The following HDAC8 variants were observed in gnomAD, a reference collection of about 807,000 sequenced individuals.
HDAC8 encodes histone deacetylase-like 1.
Under a neutral mutation model 32.2 loss-of-function variants are expected in HDAC8, and 1 was observed. The ratio of observed to expected loss-of-function variants is 0.03; its 90% CI spans 0.01 to 0.15. The LOEUF (loss-of-function observed/expected upper bound fraction) is 0.15, where lower values mean the gene tolerates loss of function less well. HDAC8 is among the 10% of genes least tolerant of loss of function. The probability of loss-of-function intolerance (pLI) is 1.00; values close to 1 mark genes in which losing one functional copy is unlikely to be tolerated. For synonymous variants in HDAC8, 108 were observed against 113.9 expected, an observed-to-expected ratio of 0.95 and a Z score of 0.33; for missense variants, 117 against 300.0, an observed-to-expected ratio of 0.39 and a Z score of 4.51.
intron 9 of HDAC8, among the ~76,000 whole-genome samples, chrX:72,446,307 T>C (rs1261575280): frequency 1.8e-5 from 2 of 112,089 alleles, no homozygotes; most frequent in African/African-American, 6.5e-5. Flanking sequence ...AATGATAGAC[T>C]GGATTAAGAA....
At chrX:72,467,813 T>G (rs782324867) in intron 7 of HDAC8, 4 of 586,548 alleles carry the variant, frequency 6.8e-6, no homozygotes, top group Non-Finnish European at 1.0e-5. Context: ...AGAGATAGAT[T>G]TGGGAGAAAT....
intron 8 of HDAC8, chrX:72,462,535 T>A (rs1387495046): frequency 8.8e-6 from 1 of 113,377 alleles, no homozygotes; most frequent in African/African-American, 3.2e-5. Context: ...TATTGGCAGA[T>A]CTAGCCCTAA....
intron 4 of HDAC8, among the ~76,000 whole-genome samples, chrX:72,552,222 G>A (rs901544624): frequency 4.5e-5 from 5 of 111,429 alleles, no homozygotes; most frequent in Non-Finnish European, 9.4e-5. Context: ...AGCACTCTGG[G>A]AAGCTGAGGT....
intron 9 of HDAC8, among the ~76,000 whole-genome samples, chrX:72,426,821 G>A (rs1320872714): frequency 1.8e-5 from 2 of 110,280 alleles, no homozygotes; most frequent in Admixed American, 9.7e-5. Context: ...CTTGGAGATA[G>A]AGCCTTTAGG....
intron 4 of HDAC8, among the ~76,000 whole-genome samples, chrX:72,506,151 GA>G (rs1272048969): frequency 8.9e-6 from 1 of 111,970 alleles, no homozygotes; most frequent in Admixed American, 9.5e-5. Context: ...TGCATGACTA[GA>G]ATTCTCCTTG....
intron 4 of HDAC8, among the ~76,000 whole-genome samples, chrX:72,522,742 A>C (rs1280183301): frequency 1.8e-5 from 2 of 112,484 alleles, no homozygotes; most frequent in African/African-American, 6.5e-5. Flanking sequence ...TACTGTTTTT[A>C]TCAAGTAATA....
At chrX:72,556,821 C>T (rs2051297834) in intron 4 of HDAC8, among the ~76,000 whole-genome samples, 1 of 111,971 alleles carries the variant, frequency 8.9e-6, no homozygotes, top group African/African-American at 3.3e-5. Flanking sequence ...CTGTAATACT[C>T]CACTGACAGC....
At chrX:72,388,554 ATC>A (rs2045520472) in intron 9 of HDAC8, among the ~76,000 whole-genome samples, 2 of 105,730 alleles carry the variant, frequency 1.9e-5, no homozygotes, top group Non-Finnish European at 3.9e-5. Context: ...TTCTCTTGGT[ATC>A]TCTCTGTAAT....
At chrX:72,423,190 G>A (rs1165874541) in intron 9 of HDAC8, among the ~76,000 whole-genome samples, 1 of 111,564 alleles carries the variant, frequency 9.0e-6, no homozygotes, top group East Asian at 2.8e-4. Context: ...ATTACATGGT[G>A]CACCTTTAGA....
At chrX:72,564,903 A>T (rs937950693) in intron 4 of HDAC8, among the ~76,000 whole-genome samples, 2 of 112,014 alleles carry the variant, frequency 1.8e-5, no homozygotes, top group Admixed American at 1.9e-4. Context: ...AAATGCAATT[A>T]TTTGCTGTCT....
chrX:72,561,535 G>A (rs1556120194), intron 4 of HDAC8, among the ~76,000 whole-genome samples: 1 of 112,179 alleles, frequency 8.9e-6, no homozygotes, highest in East Asian at 2.8e-4. Flanking sequence ...AAATCAACTC[G>A]AGATGGATCA....
chrX:72,564,449 C>T (rs1391153879), intron 4 of HDAC8, among the ~76,000 whole-genome samples: 3 of 112,323 alleles, frequency 2.7e-5, no homozygotes, highest in East Asian at 2.8e-4. Flanking sequence ...TTTGTACAGT[C>T]GGGTTTGATC....
intron 8 of HDAC8, 110 bp downstream of exon 8, chrX:72,464,449 G>C: frequency 1.6e-6 from 1 of 612,078 alleles, no homozygotes; most frequent in Middle Eastern, 3.0e-4. Flanking sequence ...CTGGGCCTCA[G>C]GTAGGTTGGT....
At chrX:72,352,573 C>T (rs782800543) in intron 9 of HDAC8, among the ~76,000 whole-genome samples, 1 of 111,899 alleles carries the variant, frequency 8.9e-6, no homozygotes, top group East Asian at 2.8e-4. Flanking sequence ...TTATTCATTT[C>T]CTTGGTCCCC....
At chrX:72,398,011 G>T (rs2045806244) in intron 9 of HDAC8, among the ~76,000 whole-genome samples, 1 of 112,039 alleles carries the variant, frequency 8.9e-6, no homozygotes, top group South Asian at 3.7e-4. Flanking sequence ...CATGTTGAAA[G>T]TTATTAGATA....
chrX:72,565,717 T>A (rs2051755043), intron 4 of HDAC8, among the ~76,000 whole-genome samples: 1 of 112,189 alleles, frequency 8.9e-6, no homozygotes, highest in African/African-American at 3.2e-5. Flanking sequence ...ACTACTTTTC[T>A]TCTCAACTTG....
At chrX:72,364,905 T>C (rs905705960) in intron 9 of HDAC8, among the ~76,000 whole-genome samples, 3 of 111,735 alleles carry the variant, frequency 2.7e-5, no homozygotes, top group Non-Finnish European at 5.6e-5. Context: ...TGATTTTTTT[T>C]CCTCATTACT....
At chrX:72,351,690 C>T (rs1436318895) in intron 10 of HDAC8, 43 bp downstream of exon 10, 4 of 987,385 alleles carry the variant, frequency 4.1e-6, no homozygotes, top group Non-Finnish European at 5.7e-6. Flanking sequence ...CCACCACAAA[C>T]TGGGTGGAAC....
At chrX:72,557,046 C>G (rs1292008049) in intron 4 of HDAC8, among the ~76,000 whole-genome samples, 1 of 111,294 alleles carries the variant, frequency 9.0e-6, no homozygotes, top group Non-Finnish European at 1.9e-5. Flanking sequence ...AAAACCCCGT[C>G]TCTACTAAAA....
Sources: allele counts gnomAD v4.1 joint callset (sites outside exome capture counted in the v4.1 genomes callset), GRCh38; gene constraint gnomAD v4.1.1; transcripts MANE v1.5; gene names NCBI Gene and HGNC (gene_info 2026-07-23, HGNC 2026-07-21).